EFCAB6: variants seen among roughly 807,000 people sequenced by gnomAD.
The protein encoded by EFCAB6 is EF-hand calcium binding domain 6, also known as EF-hand calcium-binding domain-containing protein 6.
Under a neutral mutation model 169.8 loss-of-function variants are expected in EFCAB6, and 156 were observed. That is an observed-to-expected ratio of 0.92 (90% CI 0.81 to 1.05). The LOEUF (loss-of-function observed/expected upper bound fraction) is 1.05, where lower values mean the gene tolerates loss of function less well. Ranked by LOEUF, EFCAB6 falls within the 50% of genes least tolerant of loss-of-function variation. EFCAB6 has a pLI of 0.00. For synonymous variants in EFCAB6, 698 were observed against 676.4 expected (o/e 1.03, Z -0.50); for missense variants, 1,800 against 1,829.1 (o/e 0.98, Z 0.29).
intron 18 of EFCAB6, among the ~76,000 whole-genome samples, chr22:43,632,595 C>T (rs531001662): frequency 1.3e-5 from 2 of 152,222 alleles, no homozygotes; most frequent in Non-Finnish European, 1.5e-5. Context: ...CCACCACACC[C>T]GGCCCACTGG....
At chr22:43,802,236 T>C (rs2062747524) in intron 2 of EFCAB6, among the ~76,000 whole-genome samples, 1 of 152,026 alleles carries the variant, frequency 6.6e-6, no homozygotes, top group Non-Finnish European at 1.5e-5. Flanking sequence ...GAATAGGACA[T>C]GAAAGAAGAT....
At chr22:43,560,733 C>T (rs953193257) in intron 26 of EFCAB6, among the ~76,000 whole-genome samples, 2 of 152,186 alleles carry the variant, frequency 1.3e-5, no homozygotes, top group African/African-American at 4.8e-5. Context: ...CGTGAAGGTC[C>T]GGGAGGCCGA....
chr22:43,549,230 A>C (rs149192756), intron 27 of EFCAB6, among the ~76,000 whole-genome samples: 1 of 152,308 alleles, frequency 6.6e-6, no homozygotes, highest in African/African-American at 2.4e-5. Context: ...AATAAAGATA[A>C]GAGCAGAAAT....
intron 10 of EFCAB6, among the ~76,000 whole-genome samples, chr22:43,708,550 T>A (rs951314573): frequency 2.0e-5 from 3 of 151,642 alleles, no homozygotes. Flanking sequence ...AACTTGACAG[T>A]GAAAAAAGCA....
chr22:43,595,306 A>G (rs1484409205), intron 23 of EFCAB6, among the ~76,000 whole-genome samples: 2 of 152,168 alleles, frequency 1.3e-5, no homozygotes, highest in Non-Finnish European at 2.9e-5. Context: ...AGACTAAAAC[A>G]ATACAAAAGA....
chr22:43,675,346 ATAT>A (rs1395257815), intron 13 of EFCAB6, among the ~76,000 whole-genome samples: 1 of 132,546 alleles, frequency 7.5e-6, no homozygotes, highest in East Asian at 2.0e-4. Flanking sequence ...ATAATATACT[ATAT>A]TATACTATAA....
chr22:43,786,371 TCAA>T (rs2062078246), intron 2 of EFCAB6, among the ~76,000 whole-genome samples: 2 of 151,830 alleles, frequency 1.3e-5, no homozygotes, highest in Non-Finnish European at 2.9e-5. Flanking sequence ...AAAACATTTC[TCAA>T]CACATCCTAT....
At chr22:43,680,098 T>C (rs2057943030) in intron 12 of EFCAB6, among the ~76,000 whole-genome samples, 1 of 152,214 alleles carries the variant, frequency 6.6e-6, no homozygotes, top group Admixed American at 6.5e-5. Context: ...CTAAGAGTTT[T>C]ATGAGTTTAG....
intron 17 of EFCAB6, among the ~76,000 whole-genome samples, chr22:43,657,533 T>C (rs1317684614): frequency 2.0e-5 from 3 of 151,882 alleles, no homozygotes; most frequent in Non-Finnish European, 4.4e-5. Flanking sequence ...ATAAAACATT[T>C]TGAATGAAAT....
intron 21 of EFCAB6, among the ~76,000 whole-genome samples, chr22:43,612,607 G>T (rs746866172): frequency 6.6e-6 from 1 of 152,102 alleles, no homozygotes; most frequent in Admixed American, 6.5e-5. Flanking sequence ...TCACTAAAAA[G>T]TCGGCCAGGT....
At chr22:43,698,186 C>T (rs1221265876) in intron 10 of EFCAB6, among the ~76,000 whole-genome samples, 1 of 152,170 alleles carries the variant, frequency 6.6e-6, no homozygotes, top group African/African-American at 2.4e-5. Context: ...TGAGCTGGCA[C>T]TGCTCTGCCA....
At chr22:43,577,349 G>A (rs16990774) in intron 25 of EFCAB6, among the ~76,000 whole-genome samples, 9,585 of 152,148 alleles carry the variant, frequency 0.063, 366 homozygotes, top group Admixed American at 0.097. Context: ...ATTCTCATTC[G>A]GGGCTAATTA....
At chr22:43,734,696 T>A (rs947801840) in intron 7 of EFCAB6, among the ~76,000 whole-genome samples, 3 of 152,096 alleles carry the variant, frequency 2.0e-5, no homozygotes, top group Admixed American at 2.0e-4. Flanking sequence ...AATTAAAACA[T>A]CTATTATGTG....
At chr22:43,784,613 GTA>G (rs1313288006) in intron 2 of EFCAB6, among the ~76,000 whole-genome samples, 1,257 of 75,800 alleles carry the variant, frequency 0.017, 72 homozygotes, top group African/African-American at 0.069. Context: ...ATATATATGT[GTA>G]TATATACACA....
chr22:43,761,970 A>AT (rs2061178208), intron 5 of EFCAB6, among the ~76,000 whole-genome samples: 2 of 152,022 alleles, frequency 1.3e-5, no homozygotes, highest in African/African-American at 4.8e-5. Context: ...GTTTTTTAAG[A>AT]TTTTTTGTGT....
chr22:43,626,592 G>A lies in EFCAB6; in HGVS notation c.2320C>T (p.Leu774=), dbSNP rs745476290. ...HDLHRLLLHL[L]LNLKDDEFER... is the part of the protein sequence containing the mutation. ...AACTCGTCGTCTTTGAGATTAAGCA[G>A]TAGATGCAGGAGCAGTCTGTGAAGG... The change falls in exon 20 of 32, where the codon CTG becomes TTG. Residue 774 remains leucine (L), a synonymous_variant. Coordinates refer to ENST00000262726, the MANE Select transcript of EFCAB6 (RefSeq NM_022785.4). 6.2e-7 allele frequency: 1 copy of A among 1,614,230 alleles called. No homozygotes were observed. Among genetic ancestry groups the A allele is most frequent in the South Asian group, 1.1e-5 (1 of 91,084 alleles).
chr22:43,765,415 GACA>G (rs2061296291), intron 4 of EFCAB6, 22 bp from the exon 5 acceptor site: 1 of 1,576,282 alleles, frequency 6.3e-7, no homozygotes, highest in Non-Finnish European at 8.7e-7. Flanking sequence ...GGAGAAGAAT[GACA>G]ACATGTTAGA....
Position 43,782,288 on chromosome 22 carries a change from G to A in EFCAB6, c.31C>T (p.Leu11Phe), listed in dbSNP as rs1010288853. The change falls in exon 3 of 32, where the codon CTT becomes TTT. Residue 11 changes from leucine (L) to phenylalanine (F), a missense_variant. Physicochemically the swap from Leu to Phe is conservative, Grantham distance 22. Transcript: ENST00000262726. MCKMAIIPDW[L>F]RSHPHTRKFT... ...TTTCGTGTGTGAGGATGCGACCTAA[G>A]CCAGTCTGGTATAATCGCCATTTTG... 5.6e-6 allele frequency: 9 copies of A among 1,613,978 alleles called. No individual in the cohort carries two copies. In the African/African-American group the frequency reaches 1.1e-4, roughly 19 times the overall value.
chr22:43,644,134 T>C (rs1028759308), intron 17 of EFCAB6, among the ~76,000 whole-genome samples: 3 of 152,180 alleles, frequency 2.0e-5, no homozygotes, highest in African/African-American at 7.2e-5. Flanking sequence ...TGGGCTTGGC[T>C]CCCAAATGCA....
Sources: allele counts gnomAD v4.1 joint callset (sites outside exome capture counted in the v4.1 genomes callset), GRCh38; gene constraint gnomAD v4.1.1; transcripts MANE v1.5; gene names NCBI Gene and HGNC (gene_info 2026-07-23, HGNC 2026-07-21).